Variants in NRXN3 observed in about 807,000 individuals in gnomAD.
NRXN3 encodes neurexin III.
A neutral mutation model predicts 137.6 loss-of-function variants in NRXN3; 32 were observed. The ratio of observed to expected loss-of-function variants is 0.23; its 90% CI spans 0.18 to 0.31. The LOEUF is 0.31. Ranked by LOEUF, NRXN3 falls within the 10% of genes least tolerant of loss-of-function variation. The pLI, the probability that NRXN3 is intolerant of heterozygous loss-of-function variation, is 1.00. For synonymous variants in NRXN3, 798 were observed against 784.5 expected (o/e 1.02, Z -0.29); for missense variants, 1,574 against 2,062.5 (o/e 0.76, Z 4.59).
intron 16 of NRXN3, among the ~76,000 whole-genome samples, chr14:79,504,862 G>T (rs1161944084): frequency 6.6e-6 from 1 of 151,858 alleles, no homozygotes; most frequent in South Asian, 2.1e-4. Flanking sequence ...TTATCATTTT[G>T]ATTTGCTTGT....
intron 4 of NRXN3, among the ~76,000 whole-genome samples, chr14:78,632,574 C>T (rs2097531670): frequency 6.6e-6 from 1 of 152,118 alleles, no homozygotes; most frequent in South Asian, 2.1e-4. Context: ...CTGCTTTCAA[C>T]TGGAAATATT....
intron 10 of NRXN3, among the ~76,000 whole-genome samples, chr14:78,934,869 G>A (rs904009504): frequency 1.3e-5 from 2 of 151,968 alleles, no homozygotes; most frequent in African/African-American, 4.8e-5. Flanking sequence ...TAAATGATGA[G>A]TTAATGGGTG....
chr14:79,527,795 C>T (rs192920929), intron 16 of NRXN3, among the ~76,000 whole-genome samples: 9 of 149,812 alleles, frequency 6.0e-5, no homozygotes, highest in South Asian at 2.1e-4. Flanking sequence ...CGCTTCAACC[C>T]GGGAGGCAGA....
chr14:79,561,710 C>A (rs2097499705), intron 16 of NRXN3, among the ~76,000 whole-genome samples: 1 of 152,018 alleles, frequency 6.6e-6, no homozygotes, highest in Non-Finnish European at 1.5e-5. Flanking sequence ...CAAAAGGTAG[C>A]AGTTGGCAGG....
intron 4 of NRXN3, among the ~76,000 whole-genome samples, chr14:78,343,810 C>A (rs2082400758): frequency 6.6e-6 from 1 of 152,168 alleles, no homozygotes; most frequent in Non-Finnish European, 1.5e-5. Flanking sequence ...AGTCTCCCAA[C>A]CAATTAATCA....
At chr14:78,350,432 C>G (rs1265148972) in intron 4 of NRXN3, among the ~76,000 whole-genome samples, 2 of 152,012 alleles carry the variant, frequency 1.3e-5, no homozygotes, top group Admixed American at 6.6e-5. Flanking sequence ...GGCACCCCAA[C>G]AAAAGCATGT....
chr14:78,496,757 G>T (rs562500232), intron 4 of NRXN3, among the ~76,000 whole-genome samples: 2 of 152,086 alleles, frequency 1.3e-5, no homozygotes, highest in Non-Finnish European at 2.9e-5. Flanking sequence ...AAAGATGAAG[G>T]GGTTGGTTAT....
intron 16 of NRXN3, among the ~76,000 whole-genome samples, chr14:79,470,364 G>A (rs2096484248): frequency 6.6e-6 from 1 of 152,112 alleles, no homozygotes; most frequent in South Asian, 2.1e-4. Context: ...TGGCAGGTCT[G>A]GTGTCTTGTG....
chr14:78,903,684 T>G (rs1214037852), intron 10 of NRXN3, among the ~76,000 whole-genome samples: 2 of 152,060 alleles, frequency 1.3e-5, no homozygotes, highest in Non-Finnish European at 2.9e-5. Flanking sequence ...TACTATTTAT[T>G]ATTGACTTTA....
intron 15 of NRXN3, among the ~76,000 whole-genome samples, chr14:79,451,171 GAA>G (rs563541996): frequency 4.9e-3 from 424 of 86,140 alleles, no homozygotes; most frequent in African/African-American, 0.017. Flanking sequence ...GGAGGGAACA[GAA>G]AAAAAAAAAA....
chr14:78,428,882 A>AT (rs1489268267), intron 4 of NRXN3, among the ~76,000 whole-genome samples: 1 of 152,038 alleles, frequency 6.6e-6, no homozygotes, highest in Admixed American at 6.6e-5. Flanking sequence ...TGTTAATCTC[A>AT]CCCAAAAAAA....
intron 10 of NRXN3, among the ~76,000 whole-genome samples, chr14:78,922,978 T>C (rs890759660): frequency 1.3e-5 from 2 of 152,194 alleles, no homozygotes; most frequent in Non-Finnish European, 2.9e-5. Flanking sequence ...TGCCTTCGCC[T>C]TGGGGGAAAG....
At chr14:79,160,406 T>C (rs1311843221) in intron 15 of NRXN3, among the ~76,000 whole-genome samples, 1 of 151,946 alleles carries the variant, frequency 6.6e-6, no homozygotes, top group South Asian at 2.1e-4. Flanking sequence ...GGTGCCCCAT[T>C]AGTTTTGTTG....
intron 15 of NRXN3, among the ~76,000 whole-genome samples, chr14:79,428,751 C>T (rs1283241288): frequency 6.6e-6 from 1 of 152,054 alleles, no homozygotes; most frequent in Non-Finnish European, 1.5e-5. Flanking sequence ...ATTAGAATCA[C>T]AAGGTAGGTT....
intron 16 of NRXN3, among the ~76,000 whole-genome samples, chr14:79,530,343 TATTTAAATCAAA>T (rs2097158375): frequency 6.6e-6 from 1 of 152,168 alleles, no homozygotes; most frequent in African/African-American, 2.4e-5. Flanking sequence ...GGATTGTTTT[TATTTAAATCAAA>T]ATTTAAAAAA....
chr14:79,064,707 T>G (rs2099678493), intron 15 of NRXN3, among the ~76,000 whole-genome samples: 1 of 122,558 alleles, frequency 8.2e-6, no homozygotes, highest in Admixed American at 8.1e-5. Flanking sequence ...TACCCATATA[T>G]ATTTTTCATA....
At chr14:79,713,597 ATACATATACATATACATATG>A (rs1444065980) in intron 19 of NRXN3, among the ~76,000 whole-genome samples, 5 of 130,782 alleles carry the variant, frequency 3.8e-5, no homozygotes, top group Non-Finnish European at 8.6e-5. Flanking sequence ...ATATATATAC[ATACATATACATATACATATG>A]TATGTATATA....
intron 16 of NRXN3, among the ~76,000 whole-genome samples, chr14:79,631,103 C>T (rs1475531320): frequency 6.6e-6 from 1 of 152,128 alleles, no homozygotes; most frequent in Non-Finnish European, 1.5e-5. Context: ...ATTTATTTAC[C>T]AAGTGCCTAC....
In NRXN3 at chr14:78,559,987, C is replaced by T. The variant is rs180886415; in HGVS notation, c.758-85133C>T. 1.8e-4 allele frequency among the ~76,000 whole-genome samples: 27 copies of T among 152,284 alleles called. No individual in the cohort carries two copies. In the East Asian group the frequency reaches 4.3e-3, roughly 24 times the overall value. ...TCTTTCTTCCTTACCTGTGTATGCC[C>T]TCAATGCTTTGCTTGTTGCAAGACT... On this transcript the variant is annotated intron_variant, in intron 4 of 20. Coordinates refer to ENST00000335750, the MANE Select transcript of NRXN3 (RefSeq NM_001330195.2).
Sources: gnomAD v4.1 joint callset for allele counts (sites outside exome capture counted in the v4.1 genomes callset) on GRCh38, gnomAD v4.1.1 for gene constraint, MANE v1.5 for transcripts, NCBI Gene and HGNC (gene_info 2026-07-23, HGNC 2026-07-21) for gene names.